The following TDO2 variants were observed in gnomAD, a reference collection of about 807,000 sequenced individuals.
The protein encoded by TDO2 is tryptamin 2,3-dioxygenase.
In TDO2, 63 loss-of-function variants were observed where a neutral mutation model predicts 61.2. The ratio of observed to expected loss-of-function variants is 1.03; its 90% confidence interval spans 0.84 to 1.27. The LOEUF is 1.27. Among genes scored for constraint, TDO2 ranks in the 50% most tolerant of loss-of-function variants. TDO2 has a pLI of 0.00. For missense variants in TDO2, 494 were observed against 469.5 expected, an observed-to-expected ratio of 1.05 and a Z score of -0.48; for synonymous variants, 183 against 164.0, an observed-to-expected ratio of 1.12 and a Z score of -0.89.
intron 9 of TDO2, 87 bp from the exon 10 acceptor site, chr4:155,917,308 G>A: frequency 1.8e-6 from 2 of 1,107,312 alleles, no homozygotes; most frequent in Non-Finnish European, 2.5e-6. Context: ...TTTGTTTCCA[G>A]GGCCAACTGA....
rs756417289 is a variant in TDO2, at chr4:155,909,045, A to T, written c.431+31A>T. On this transcript the variant is annotated intron_variant, in intron 5 of 11. Coordinates refer to ENST00000536354, the MANE Select transcript of TDO2 (RefSeq NM_005651.4). ...CACATTTGGCATTTTAAAAAATGTG[A>T]TGGAATTTACTTTCTCATTTTGGTG... The T allele has an allele frequency of 1.9e-6, 3 of 1,570,836 alleles. No individual in the cohort carries two copies. In the East Asian group the frequency reaches 6.9e-5, roughly 36 times the overall value.
Position 155,920,007 on chromosome 4 carries a change from T to G in TDO2, c.*17T>G, listed in dbSNP as rs757014269. ...TCAGATTAAAATCGTCTGCAAAATC[T>G]ATGAAGAATACTGGTTTCACAGCCT... On this transcript the variant is annotated 3_prime_UTR_variant, in exon 12 of 12. Transcript: ENST00000536354. 6.2e-7 allele frequency: 1 copy of G among 1,609,146 alleles called. No individual in the cohort carries two copies. The highest frequency in any genetic ancestry group is 8.5e-7 in the Non-Finnish European group (1 of 1,177,616).
At chr4:155,905,880 T>TC (rs1209999944) in intron 3 of TDO2, 1 of 152,136 alleles carries the variant, frequency 6.6e-6, no homozygotes, top group Non-Finnish European at 1.5e-5. Flanking sequence ...ATGGATGCTT[T>TC]CCAATGTGAT....
rs1742695808 is a variant in TDO2 at position 155,905,118 on chromosome 4, A to G, written c.193A>G (p.Lys65Glu). The change falls in exon 3 of 12, where the codon AAA becomes GAA. Residue 65 changes from lysine (K) to glutamate (E), a missense_variant. Physicochemically the swap from Lys to Glu is moderately conservative, Grantham distance 56. Coordinates refer to ENST00000536354, the MANE Select transcript of TDO2 (RefSeq NM_005651.4). ...QELQSETKGN[K>E]IHDEHLFIIT... ...ACTGCAAAGTGAAACAAAAGGAAAT[A>G]AAATCCATGATGAACATCTTTTTAT... The G allele has an allele frequency of 6.2e-7, 1 of 1,602,370 alleles. No individual in the cohort carries two copies. Among genetic ancestry groups the G allele is most frequent in the Non-Finnish European group, 8.5e-7 (1 of 1,175,114 alleles).
chr4:155,912,606 T>C (rs1742855018), intron 7 of TDO2, among the ~76,000 whole-genome samples: 2 of 152,148 alleles, frequency 1.3e-5, no homozygotes, highest in African/African-American at 2.4e-5. Context: ...CTCTTATTTC[T>C]CTCTCAGACC....
chr4:155,913,974 A>G (rs1560778055), intron 7 of TDO2, among the ~76,000 whole-genome samples: 1 of 152,102 alleles, frequency 6.6e-6, no homozygotes, highest in Non-Finnish European at 1.5e-5. Context: ...TTTCTAAGTG[A>G]AGTTACCTTA....
intron 3 of TDO2, 43 bp downstream of exon 3, chr4:155,905,200 C>A: frequency 7.2e-7 from 1 of 1,380,520 alleles, no homozygotes; most frequent in Non-Finnish European, 9.9e-7. Flanking sequence ...ACAGGCATTT[C>A]TCATTGATAA....
chr4:155,909,120 T>C (rs1742772236), intron 5 of TDO2, 106 bp downstream of exon 5: 1 of 1,201,522 alleles, frequency 8.3e-7, no homozygotes, highest in Non-Finnish European at 1.1e-6. Flanking sequence ...CCTGTCTTAC[T>C]AACATTTTGT....
chr4:155,916,164 C>CTT lies in TDO2; in HGVS notation c.896+272_896+273dup, dbSNP rs34847339. ...ACACTACACAAATTAATCAAATATC[C>CTT]TTTTTTTTTTTTTTTTTTTTTGAGA... On this transcript the variant is annotated intron_variant, in intron 9 of 11. Transcript: ENST00000536354. Among the ~76,000 whole-genome samples the CTT allele has an allele frequency of 9.7e-3, 737 of 76,174 alleles. 12 individuals carry two copies. Among genetic ancestry groups the CTT allele is most frequent in the African/African-American group, 0.029 (625 of 21,666 alleles). 50.0% of individuals were successfully genotyped at this position (76,174 alleles called of 152,430 possible).
In TDO2 at chr4:155,910,185, GA is replaced by G; in HGVS notation, c.596del (p.Lys199ArgfsTer6). On this transcript the variant is annotated frameshift_variant, in exon 6 of 12. Transcript: ENST00000536354. LOFTEE classifies it high-confidence loss of function. ...ENELLLKSEQEKTLLELVEAW... is the reference protein window; with the variant it reads ...ENELLLKSEQXKTLLELVEAW... ...TGAACTGCTACTTAAATCTGAGCAG[GA>G]AAAGACACTTCTGGAATTAGTGGAG... The G allele has an allele frequency of 6.3e-7, 1 of 1,583,862 alleles. No individual in the cohort carries two copies. The highest frequency in any genetic ancestry group is 1.2e-5 in the South Asian group (1 of 86,718).
intron 3 of TDO2, chr4:155,905,767 A>C (rs1742707602): frequency 6.6e-6 from 1 of 152,314 alleles, no homozygotes; most frequent in African/African-American, 2.4e-5. Flanking sequence ...CAGTACCACT[A>C]TACTGACCTC....
intron 9 of TDO2, 99 bp downstream of exon 9, chr4:155,916,011 C>A (rs1438207104): frequency 3.0e-6 from 3 of 1,011,258 alleles, no homozygotes; most frequent in Non-Finnish European, 2.9e-6. Context: ...TAGTTTAATG[C>A]AGTAATTTAG....
In TDO2 at chr4:155,918,232, A is replaced by C. The variant is rs1352556759; in HGVS notation, c.1060A>C (p.Thr354Pro). 1 of 1,614,032 alleles carries C rather than the reference A, an allele frequency of 6.2e-7. No individual in the cohort carries two copies. Among genetic ancestry groups the C allele is most frequent in the East Asian group, 2.2e-5 (1 of 44,876 alleles). ...GSSGYHYLRS[T>P]VSDRYKVFVD... Reference sequence around the variant, plus strand: ...CTCAGGCTATCACTACCTGCGATCAACTGTGAGGTAGGTGGGGAAATTCTC... The same window carrying C: ...CTCAGGCTATCACTACCTGCGATCACCTGTGAGGTAGGTGGGGAAATTCTC... The change falls in exon 11 of 12, where the codon ACT becomes CCT. Residue 354 changes from threonine (T) to proline (P), a missense_variant. Thr to Pro is a conservative substitution (Grantham distance 38). Transcript: ENST00000536354.
chr4:155,915,773 A>T, intron 8 of TDO2, 82 bp from the exon 9 acceptor site: 1 of 1,212,846 alleles, frequency 8.2e-7, no homozygotes, highest in Non-Finnish European at 1.2e-6. Context: ...AATCCATTAA[A>T]TTTTTTAAGA....
In TDO2 at chr4:155,904,060, C is replaced by G; in HGVS notation, c.78C>G (p.Asp26Glu). The G allele has an allele frequency of 6.2e-7, 1 of 1,614,026 alleles. No homozygotes were observed. Among genetic ancestry groups the G allele is most frequent in the Non-Finnish European group, 8.5e-7 (1 of 1,179,974 alleles). Residue 26 changes from aspartate (D) to glutamate (E), a missense_variant, in exon 2 of 12, where the codon GAC becomes GAG. Asp to Glu is a conservative substitution (Grantham distance 45). Coordinates refer to ENST00000536354, the MANE Select transcript of TDO2 (RefSeq NM_005651.4). ...TCCCCGTAGAAGGCAGCGAAGAAGA[C>G]AAATCACAAACTGGTGTGAATAGAG... is the stretch of plus-strand genomic sequence containing the variant. ...KKLPVEGSEE[D>E]KSQTGVNRAS...
intron 2 of TDO2, among the ~76,000 whole-genome samples, chr4:155,904,527 C>T (rs1487165336): frequency 6.6e-6 from 1 of 152,094 alleles, no homozygotes; most frequent in Non-Finnish European, 1.5e-5. Flanking sequence ...AAAAGGCACA[C>T]AGAGAATTTT....
rs555349498 is a variant in TDO2, at chr4:155,907,566, C to G, written c.233-156C>G. On this transcript the variant is annotated intron_variant, in intron 3 of 11. Transcript: ENST00000536354. ...GAGGCTATTACAACTTTAACACTAA[C>G]ATTTATTTCTGGCACACAATGGGAC... The G allele has an allele frequency of 4.7e-5, 27 of 571,504 alleles. No homozygotes were observed. The African/African-American group carries it at 5.0e-4, about 11-fold the overall frequency. 35.4% of individuals were successfully genotyped at this position (571,504 alleles called of 1,614,324 possible). A position where few individuals can be genotyped will look rare whatever the true frequency, so the allele number is the denominator to read the frequency against.
At chr4:155,917,278 C>A (rs1028604465) in intron 9 of TDO2, 117 bp from the exon 10 acceptor site, 1 of 736,796 alleles carries the variant, frequency 1.4e-6, no homozygotes, top group African/African-American at 1.8e-5. Flanking sequence ...TGCCACAGCT[C>A]CTCACAGGCA....
At chr4:155,909,498 A>T (rs1053149504) in intron 5 of TDO2, among the ~76,000 whole-genome samples, 2 of 152,168 alleles carry the variant, frequency 1.3e-5, no homozygotes, top group African/African-American at 4.8e-5. Context: ...AGAAACTTCC[A>T]TTGGGTGTAG....
Sources: gnomAD v4.1 joint callset for allele counts (sites outside exome capture counted in the v4.1 genomes callset) on GRCh38, gnomAD v4.1.1 for gene constraint, MANE v1.5 for transcripts, NCBI Gene and HGNC (gene_info 2026-07-23, HGNC 2026-07-21) for gene names.